Variants in WDR72 observed in about 807,000 individuals in gnomAD.
WDR72 encodes the protein WD repeat domain 72, also known as WD repeat-containing protein 72.
A neutral mutation model predicts 124.2 loss-of-function variants in WDR72; 120 were observed. The ratio of observed to expected loss-of-function variants is 0.97; its 90% CI spans 0.83 to 1.12. The LOEUF is 1.12. Among genes scored for constraint, WDR72 ranks in the 50% most tolerant of loss-of-function variants. The pLI, the probability that WDR72 is intolerant of heterozygous loss-of-function variation, is 0.00. For missense variants in WDR72, 1,387 were observed against 1,278.8 expected, an observed-to-expected ratio of 1.08 and a Z score of -1.29; for synonymous variants, 452 against 441.7, an observed-to-expected ratio of 1.02 and a Z score of -0.29.
At chr15:53,629,749 T>C (rs981817846) in intron 14 of WDR72, among the ~76,000 whole-genome samples, 2 of 151,838 alleles carry the variant, frequency 1.3e-5, no homozygotes, top group African/African-American at 2.4e-5. Flanking sequence ...CTTATTCTCA[T>C]TGCCCCTCTC....
At chr15:53,709,209 A>G (rs925453578) in intron 9 of WDR72, among the ~76,000 whole-genome samples, 4 of 152,206 alleles carry the variant, frequency 2.6e-5, no homozygotes, top group African/African-American at 9.7e-5. Context: ...TGATGTTTGA[A>G]TAAGGGGAAG....
intron 1 of WDR72, among the ~76,000 whole-genome samples, chr15:53,751,909 T>G (rs2018783991): frequency 6.6e-6 from 1 of 152,178 alleles, no homozygotes; most frequent in Admixed American, 6.5e-5. Context: ...AATATCAATC[T>G]AATAAGGTTG....
In WDR72 at chr15:53,712,753, T is replaced by C; in HGVS notation, c.711+19A>G. ...TACACTTGTACATCACTGGTATTTA[T>C]TATGTTACTTTATAATACCTTCCAA... On this transcript the variant is annotated intron_variant, in intron 7 of 19. Transcript: ENST00000360509. 6.2e-7 allele frequency: 1 copy of C among 1,607,300 alleles called. No individual in the cohort carries two copies. The highest frequency in any genetic ancestry group is 8.5e-7 in the Non-Finnish European group (1 of 1,174,792).
chr15:53,655,702 TG>T (rs993851543), intron 14 of WDR72, among the ~76,000 whole-genome samples: 6 of 144,098 alleles, frequency 4.2e-5, no homozygotes, highest in African/African-American at 1.5e-4. Context: ...CTTTGCATTT[TG>T]TAAGTTTTTT....
chr15:53,566,108 T>C (rs1894286374), intron 18 of WDR72, among the ~76,000 whole-genome samples: 2 of 152,010 alleles, frequency 1.3e-5, no homozygotes, highest in African/African-American at 4.8e-5. Context: ...TCAGATTTTC[T>C]GCTAAGCACT....
chr15:53,575,665 T>C (rs1894726515), intron 18 of WDR72, among the ~76,000 whole-genome samples: 1 of 152,128 alleles, frequency 6.6e-6, no homozygotes, highest in African/African-American at 2.4e-5. Context: ...CTAGCCTGCA[T>C]AGTTATTAGA....
In WDR72 at chr15:53,608,973, T is replaced by G. The variant is rs967861429; in HGVS notation, c.2952+540A>C. 4.6e-5 allele frequency among the ~76,000 whole-genome samples: 7 copies of G among 151,922 alleles called. 1 individual carries two copies. Among genetic ancestry groups the G allele is most frequent in the Non-Finnish European group, 1.0e-4 (7 of 67,976 alleles). ...TGATTATAGTCAATAATAATTTAAT[T>G]TTACTTTTTAAGATAACTAAAAGTG... On this transcript the variant is annotated intron_variant, in intron 17 of 19. Transcript: ENST00000360509.
intron 18 of WDR72, among the ~76,000 whole-genome samples, chr15:53,556,596 G>A (rs543462740): frequency 1.3e-5 from 2 of 152,172 alleles, no homozygotes; most frequent in East Asian, 1.9e-4. Context: ...ACCCAGCCTA[G>A]TAAACTGCCC....
chr15:53,682,413 C>T (rs1041886923), intron 13 of WDR72, among the ~76,000 whole-genome samples: 14 of 152,034 alleles, frequency 9.2e-5, no homozygotes, highest in Non-Finnish European at 1.9e-4. Context: ...ATATATACAA[C>T]GAGACTTACA....
chr15:53,608,688 C>T (rs886092016), intron 17 of WDR72, among the ~76,000 whole-genome samples: 5 of 151,708 alleles, frequency 3.3e-5, no homozygotes, highest in African/African-American at 7.3e-5. Context: ...CCTGGAAGAA[C>T]GAGGCTGCAG....
upstream of WDR72, among the ~76,000 whole-genome samples, chr15:53,762,191 A>C (rs117191110): frequency 0.01 from 1,594 of 152,270 alleles, 20 homozygotes; most frequent in South Asian, 0.07. Flanking sequence ...GGCCCAAGTA[A>C]GATCACAGGT....
At chr15:53,597,373 T>C (rs1317950119) in intron 17 of WDR72, 99 bp from the exon 18 acceptor site, 4 of 1,213,280 alleles carry the variant, frequency 3.3e-6, no homozygotes, top group East Asian at 4.9e-5. Context: ...TTTGAATAGG[T>C]TTCCATAAAC....
chr15:53,626,260 G>A (rs2014203469), intron 14 of WDR72, among the ~76,000 whole-genome samples: 1 of 152,208 alleles, frequency 6.6e-6, no homozygotes. Flanking sequence ...AGCTCTATCA[G>A]AAGCCGTGGG....
chr15:53,710,376 CAG>C (rs1013194568), intron 9 of WDR72, among the ~76,000 whole-genome samples: 36 of 125,042 alleles, frequency 2.9e-4, no homozygotes, highest in African/African-American at 1.0e-3. Context: ...CACACAAATG[CAG>C]AGAGAGAGAC....
chr15:53,674,509 C>A (rs1368539169), intron 13 of WDR72, among the ~76,000 whole-genome samples: 4 of 152,114 alleles, frequency 2.6e-5, no homozygotes, highest in Admixed American at 2.6e-4. Context: ...GTTCCCACCA[C>A]AAACAGGGGC....
At chr15:53,619,153 AACCT>A (rs1242175715) in intron 14 of WDR72, among the ~76,000 whole-genome samples, 1 of 151,946 alleles carries the variant, frequency 6.6e-6, no homozygotes, top group Non-Finnish European at 1.5e-5. Flanking sequence ...TTTATTTTTA[AACCT>A]ACTTATTATA....
intron 14 of WDR72, among the ~76,000 whole-genome samples, chr15:53,649,080 T>G (rs4774671): frequency 2.0e-5 from 3 of 151,984 alleles, no homozygotes; most frequent in East Asian, 1.9e-4. Flanking sequence ...TGTGGCCTAT[T>G]ATAGTCAATT....
intron 14 of WDR72, among the ~76,000 whole-genome samples, chr15:53,640,730 A>G (rs2014815501): frequency 6.6e-6 from 1 of 152,074 alleles, no homozygotes; most frequent in African/African-American, 2.4e-5. Flanking sequence ...TTCTTTTAAT[A>G]TTTGTTAATA....
At chr15:53,609,851 C>T (rs2140358759) in intron 16 of WDR72, among the ~76,000 whole-genome samples, 1 of 152,002 alleles carries the variant, frequency 6.6e-6, no homozygotes, top group South Asian at 2.1e-4. Context: ...TATACACACA[C>T]ACACACACAC....
Sources: allele counts gnomAD v4.1 joint callset (sites outside exome capture counted in the v4.1 genomes callset), GRCh38; gene constraint gnomAD v4.1.1; transcripts MANE v1.5; gene names NCBI Gene and HGNC (gene_info 2026-07-23, HGNC 2026-07-21).